The following CDH4 variants were observed in gnomAD, a reference collection of about 807,000 sequenced individuals.
The protein encoded by CDH4 is cadherin 4, also known as cadherin-4.
A neutral mutation model predicts 86.0 loss-of-function variants in CDH4; 33 were observed. The ratio of observed to expected loss-of-function variants is 0.38; its 90% CI spans 0.29 to 0.51. CDH4 has a LOEUF of 0.51. Ranked by LOEUF, CDH4 falls within the 20% of genes least tolerant of loss-of-function variation. The probability of loss-of-function intolerance (pLI) is 0.86; values close to 1 mark genes in which losing one functional copy is unlikely to be tolerated. For missense variants in CDH4, 1,114 were observed against 1,307.4 expected, an observed-to-expected ratio of 0.85 and a Z score of 2.28; for synonymous variants, 555 against 549.4, an observed-to-expected ratio of 1.01 and a Z score of -0.14.
chr20:61,711,876 G>T (rs1408759643), intron 2 of CDH4, among the ~76,000 whole-genome samples: 1 of 152,128 alleles, frequency 6.6e-6, no homozygotes, highest in African/African-American at 2.4e-5. Flanking sequence ...AGGGAGGAGG[G>T]GGCCAGCCAT....
At chr20:61,849,661 G>A (rs1350449071) in intron 5 of CDH4, among the ~76,000 whole-genome samples, 1 of 152,140 alleles carries the variant, frequency 6.6e-6, no homozygotes, top group African/African-American at 2.4e-5. Context: ...TGTCCTTGCT[G>A]GCTATTCGGG....
chr20:61,737,575 G>A (rs891667394), intron 2 of CDH4, among the ~76,000 whole-genome samples: 7 of 152,216 alleles, frequency 4.6e-5, no homozygotes, highest in African/African-American at 1.7e-4. Context: ...AGCCTGTGCG[G>A]TTCCCGGCAG....
chr20:61,354,395 G>A (rs184482871), intron 2 of CDH4, among the ~76,000 whole-genome samples: 1 of 152,296 alleles, frequency 6.6e-6, no homozygotes, highest in African/African-American at 2.4e-5. Flanking sequence ...TCCTGACAAG[G>A]GCTCTCGAGA....
intron 2 of CDH4, among the ~76,000 whole-genome samples, chr20:61,422,671 T>C (rs1207941492): frequency 6.6e-6 from 1 of 152,076 alleles, no homozygotes; most frequent in Non-Finnish European, 1.5e-5. Flanking sequence ...AATTCTAAAT[T>C]AGGACAAGAT....
chr20:61,858,148 T>G (rs895923218), intron 6 of CDH4, among the ~76,000 whole-genome samples: 1 of 142,704 alleles, frequency 7.0e-6, no homozygotes, highest in Non-Finnish European at 1.5e-5. Context: ...TGTGTGTGTG[T>G]CTGTGTCTGT....
chr20:61,828,871 C>T (rs1326094473), intron 4 of CDH4, among the ~76,000 whole-genome samples: 2 of 152,366 alleles, frequency 1.3e-5, no homozygotes, highest in East Asian at 3.9e-4. Flanking sequence ...AGACAATTTT[C>T]CCATGGACCC....
intron 7 of CDH4, among the ~76,000 whole-genome samples, chr20:61,874,898 A>C (rs975924977): frequency 1.3e-5 from 2 of 152,196 alleles, no homozygotes; most frequent in Non-Finnish European, 2.9e-5. Context: ...CAGAGGCCAC[A>C]GCGCCACTTT....
intron 2 of CDH4, among the ~76,000 whole-genome samples, chr20:61,610,538 T>A (rs1342604938): frequency 6.6e-6 from 1 of 152,176 alleles, no homozygotes; most frequent in Non-Finnish European, 1.5e-5. Flanking sequence ...TGCTGGGTCA[T>A]AGAGCAGTTC....
intron 2 of CDH4, among the ~76,000 whole-genome samples, chr20:61,658,583 G>A (rs1253510627): frequency 6.6e-6 from 1 of 152,178 alleles, no homozygotes; most frequent in East Asian, 1.9e-4. Flanking sequence ...GGTGGCCCAG[G>A]TCGTTATACA....
chr20:61,696,600 A>C (rs1262101075), intron 2 of CDH4, among the ~76,000 whole-genome samples: 2 of 152,218 alleles, frequency 1.3e-5, no homozygotes, highest in Non-Finnish European at 2.9e-5. Flanking sequence ...CAGGGAGGGC[A>C]GGAGCTGAGG....
At chr20:61,635,015 G>A (rs367696307) in intron 2 of CDH4, among the ~76,000 whole-genome samples, 15 of 152,282 alleles carry the variant, frequency 9.9e-5, no homozygotes, top group East Asian at 5.8e-4. Context: ...ATGTAGAGGC[G>A]GCACTTTGCT....
intron 2 of CDH4, among the ~76,000 whole-genome samples, chr20:61,464,568 A>T (rs2085462591): frequency 6.6e-6 from 1 of 152,200 alleles, no homozygotes; most frequent in South Asian, 2.1e-4. Context: ...AGTAGTGACT[A>T]ATACTAGAGA....
intron 2 of CDH4, among the ~76,000 whole-genome samples, chr20:61,532,987 C>G (rs896034333): frequency 2.0e-5 from 3 of 152,244 alleles, no homozygotes; most frequent in Non-Finnish European, 4.4e-5. Flanking sequence ...CACTCCCAGG[C>G]TCACTGGTTC....
At chr20:61,323,384 T>C (rs2084519588) in intron 2 of CDH4, among the ~76,000 whole-genome samples, 1 of 152,182 alleles carries the variant, frequency 6.6e-6, no homozygotes, top group South Asian at 2.1e-4. Context: ...GAGTGAGTGC[T>C]TCACCTCCAC....
chr20:61,744,043 G>A (rs950345418), intron 3 of CDH4, among the ~76,000 whole-genome samples: 11 of 152,252 alleles, frequency 7.2e-5, no homozygotes, highest in African/African-American at 2.4e-4. Context: ...CCACGGTCTT[G>A]TCGCTCTTCA....
intron 6 of CDH4, among the ~76,000 whole-genome samples, chr20:61,854,412 T>C (rs1332281914): frequency 6.6e-6 from 1 of 151,606 alleles, no homozygotes; most frequent in Admixed American, 6.6e-5. Flanking sequence ...ATTGCACTCT[T>C]GGCCTGCCCC....
chr20:61,453,707 A>G (rs2085392320), intron 2 of CDH4, among the ~76,000 whole-genome samples: 1 of 152,194 alleles, frequency 6.6e-6, no homozygotes, highest in Non-Finnish European at 1.5e-5. Context: ...GCGGAATTAT[A>G]AGATATAATC....
At chr20:61,691,090 G>T (rs1161344921) in intron 2 of CDH4, among the ~76,000 whole-genome samples, 1 of 152,140 alleles carries the variant, frequency 6.6e-6, no homozygotes, top group East Asian at 1.9e-4. Flanking sequence ...TCCCGGAAGT[G>T]CATGGCCACC....
At chr20:61,293,958 TG>T (rs1196732055) in intron 2 of CDH4, among the ~76,000 whole-genome samples, 2 of 151,982 alleles carry the variant, frequency 1.3e-5, no homozygotes, top group Non-Finnish European at 2.9e-5. Flanking sequence ...GGTGAGGTGC[TG>T]GGGGGTCAGC....
Sources: gnomAD v4.1 joint callset for allele counts (sites outside exome capture counted in the v4.1 genomes callset) on GRCh38, gnomAD v4.1.1 for gene constraint, MANE v1.5 for transcripts, NCBI Gene and HGNC (gene_info 2026-07-23, HGNC 2026-07-21) for gene names.